KPNA7: variants seen among roughly 807,000 people sequenced by gnomAD.
KPNA7 encodes the protein karyopherin subunit alpha 7, also known as importin subunit alpha-8.
In KPNA7, 54 loss-of-function variants were observed where a neutral mutation model predicts 53.7. That is an observed-to-expected ratio of 1.01 (90% CI 0.81 to 1.26). KPNA7 has a LOEUF of 1.26. Ranked by LOEUF, KPNA7 falls within the 50% of genes most tolerant of loss-of-function variation. The pLI is 0.00. For missense variants in KPNA7, 640 were observed against 644.5 expected (o/e 0.99, Z 0.07); for synonymous variants, 276 against 259.3 (o/e 1.06, Z -0.62).
chr7:99,197,472 A>T (rs944938178), intron 3 of KPNA7, among the ~76,000 whole-genome samples: 2 of 152,184 alleles, frequency 1.3e-5, no homozygotes, highest in African/African-American at 4.8e-5. Context: ...ATATACATAT[A>T]TATGTGAAAA....
the KPNA7 span, among the ~76,000 whole-genome samples, chr7:99,158,161 A>G: frequency 1.3e-5 from 2 of 152,306 alleles, no homozygotes; most frequent in African/African-American, 2.4e-5. Context: ...CTGGGATTAC[A>G]GGAATGAGCC....
chr7:99,181,029 CTGTG>C lies in KPNA7; in HGVS notation c.1317+850_1317+853del, dbSNP rs1157303075. Among the ~76,000 whole-genome samples the C allele has an allele frequency of 1.6e-5, 2 of 125,422 alleles. 1 individual carries two copies. The highest frequency in any genetic ancestry group is 8.7e-5 in the African/African-American group (2 of 23,092). 82.3% of individuals were successfully genotyped at this position (125,422 alleles called of 152,430 possible). On this transcript the variant is annotated intron_variant, in intron 9 of 10. Coordinates refer to ENST00000327442, the MANE Select transcript of KPNA7 (RefSeq NM_001145715.3). ...TCTCTCTCTCTGTGTGTGTGTCTCT[CTGTG>C]TGTGTCTCTCTCTCTCTCTCCGTCT... is the stretch of plus-strand genomic sequence containing the variant.
chr7:99,176,215 G>A (rs557583515), intron 10 of KPNA7, among the ~76,000 whole-genome samples: 10 of 149,606 alleles, frequency 6.7e-5, no homozygotes, highest in Admixed American at 2.0e-4. Flanking sequence ...GGAGAATGAC[G>A]TGAACCCAGG....
chr7:99,194,976 TG>T, intron 5 of KPNA7, 93 bp downstream of exon 5: 1 of 1,378,766 alleles, frequency 7.3e-7, no homozygotes, highest in Non-Finnish European at 9.8e-7. Flanking sequence ...CAAAGTGTTC[TG>T]GGACATCGAG....
downstream of KPNA7, among the ~76,000 whole-genome samples, chr7:99,172,711 G>A (rs1798791050): frequency 6.6e-6 from 1 of 152,040 alleles, no homozygotes; most frequent in Non-Finnish European, 1.5e-5. Context: ...GAGGAAAGAA[G>A]GCCAGTAACA....
chr7:99,202,543 A>G (rs905867262), intron 3 of KPNA7, among the ~76,000 whole-genome samples: 1 of 152,034 alleles, frequency 6.6e-6, no homozygotes, highest in African/African-American at 2.4e-5. Context: ...TAAATTTTCA[A>G]TTAGAAATAT....
chr7:99,161,236 TCTCTCTCTCTCTCTCTCTCTCTCTC>T, the KPNA7 span, among the ~76,000 whole-genome samples: 1 of 2,496 alleles, frequency 4.0e-4, no homozygotes. Context: ...TCTCTCTCTC[TCTCTCTCTCTCTCTCTCTCTCTCTC>T]TCTCTCTCTG....
chr7:99,174,192 A>T (rs1798824981), intron 10 of KPNA7, among the ~76,000 whole-genome samples: 1 of 152,124 alleles, frequency 6.6e-6, no homozygotes, highest in South Asian at 2.1e-4. Context: ...TTCTCATAGC[A>T]GCACAAACCC....
chr7:99,178,455 G>A (rs1014121790), intron 9 of KPNA7, among the ~76,000 whole-genome samples: 31 of 151,926 alleles, frequency 2.0e-4, no homozygotes, highest in Admixed American at 2.0e-3. Flanking sequence ...TGTAATTCCA[G>A]CTACTCAGGA....
intron 9 of KPNA7, among the ~76,000 whole-genome samples, chr7:99,181,255 A>G (rs962976550): frequency 6.6e-6 from 1 of 151,748 alleles, no homozygotes; most frequent in African/African-American, 2.4e-5. Flanking sequence ...CTCTATAAAG[A>G]CAGCTACAGC....
chr7:99,218,936 G>T (rs1791280527), intron 1 of KPNA7, among the ~76,000 whole-genome samples: 1 of 152,232 alleles, frequency 6.6e-6, no homozygotes, highest in Non-Finnish European at 1.5e-5. Context: ...CTCACACAGG[G>T]ACAAGCCACC....
upstream of KPNA7, among the ~76,000 whole-genome samples, chr7:99,210,153 T>C (rs1791024660): frequency 6.6e-6 from 1 of 152,192 alleles, no homozygotes; most frequent in Non-Finnish European, 1.5e-5. Flanking sequence ...AACAACTCTT[T>C]CCTTGATCAT....
In KPNA7 at chr7:99,207,507, A is replaced by T; in HGVS notation, c.-23-18T>A. On this transcript the variant is annotated intron_variant, in intron 1 of 10. Coordinates refer to ENST00000327442, the MANE Select transcript of KPNA7 (RefSeq NM_001145715.3). ...TAAGTTACCTGCAGGTTGGACAGCA[A>T]CAAAGAAATTTTCAGTGCCCATTGT... 7.0e-7 allele frequency: 1 copy of T among 1,433,668 alleles called. No individual in the cohort carries two copies. The highest frequency in any genetic ancestry group is 9.6e-7 in the Non-Finnish European group (1 of 1,039,900). The allele number at this position is 1,433,668 out of a possible 1,614,324, so 88.8% of individuals were successfully genotyped here.
rs1789495652 is a variant in KPNA7, at chr7:99,184,926, T to TA, written c.1134+2dup. 6.4e-7 allele frequency: 1 copy of TA among 1,551,778 alleles called. No homozygotes were observed. The highest frequency in any genetic ancestry group is 8.7e-7 in the Non-Finnish European group (1 of 1,146,840). On this transcript the variant is annotated splice_region_variant and intron_variant, in intron 8 of 10. Transcript: ENST00000327442. ...TGCCATGGTTGCTGTGTGCGCCACT[T>TA]ACGTTTTTTAGCAGAGCCACCAAGG...
chr7:99,198,248 T>C (rs1476467408), intron 3 of KPNA7, among the ~76,000 whole-genome samples: 2 of 151,926 alleles, frequency 1.3e-5, no homozygotes, highest in African/African-American at 4.8e-5. Context: ...AAAAAAACTT[T>C]ACCAACTTTA....
At chr7:99,177,099 T>C (rs1323238009) in intron 10 of KPNA7, among the ~76,000 whole-genome samples, 4 of 152,172 alleles carry the variant, frequency 2.6e-5, no homozygotes, top group Non-Finnish European at 4.4e-5. Context: ...GAAGATGGTA[T>C]GCCAAGAGGA....
intron 2 of KPNA7, among the ~76,000 whole-genome samples, chr7:99,205,189 C>T (rs147690181): frequency 0.027 from 4,122 of 151,366 alleles, 177 homozygotes; most frequent in African/African-American, 0.093. Flanking sequence ...TTTGGGAGGC[C>T]GAGGCAGGGG....
the KPNA7 span, among the ~76,000 whole-genome samples, chr7:99,163,917 G>A: frequency 1.2e-4 from 19 of 152,038 alleles, no homozygotes; most frequent in Middle Eastern, 3.4e-3. Context: ...TCTCGAAAAT[G>A]CAAATCAAAA....
At chr7:99,147,756 C>G in the KPNA7 span, among the ~76,000 whole-genome samples, 2 of 151,928 alleles carry the variant, frequency 1.3e-5, no homozygotes, top group Non-Finnish European at 2.9e-5. Flanking sequence ...GCACTGCTGC[C>G]CTCCAGCCTG....
Sources: allele counts gnomAD v4.1 joint callset (sites outside exome capture counted in the v4.1 genomes callset), GRCh38; gene constraint gnomAD v4.1.1; transcripts MANE v1.5; gene names NCBI Gene and HGNC (gene_info 2026-07-23, HGNC 2026-07-21).